The following KCNH5 variants were observed in gnomAD, a reference collection of about 807,000 sequenced individuals.
KCNH5 encodes potassium voltage-gated channel subfamily H member 5.
A neutral mutation model predicts 96.1 loss-of-function variants in KCNH5; 46 were observed. That is an observed-to-expected ratio of 0.48 (90% CI 0.38 to 0.61). The LOEUF is 0.61. Among genes scored for constraint, KCNH5 ranks in the 20% least tolerant of loss-of-function variants. The pLI is 0.00. For synonymous variants in KCNH5, 439 were observed against 449.8 expected (o/e 0.98, Z 0.30); for missense variants, 907 against 1,225.8 (o/e 0.74, Z 3.88).
At chr14:62,849,256 A>G (rs986236108) in intron 8 of KCNH5, among the ~76,000 whole-genome samples, 17 of 152,186 alleles carry the variant, frequency 1.1e-4, no homozygotes, top group Non-Finnish European at 2.2e-4. Context: ...TATAGGCAGG[A>G]AGTCTCTTTC....
intron 1 of KCNH5, among the ~76,000 whole-genome samples, chr14:63,017,970 G>C (rs971611594): frequency 1.3e-5 from 2 of 151,556 alleles, no homozygotes; most frequent in African/African-American, 4.9e-5. Context: ...TCAAACAGTG[G>C]GATAAAATAA....
intron 8 of KCNH5, among the ~76,000 whole-genome samples, chr14:62,841,749 G>A (rs560743193): frequency 6.7e-4 from 102 of 152,228 alleles, no homozygotes; most frequent in Non-Finnish European, 1.3e-3. Context: ...TGCCTACCTT[G>A]CGCAAGCACC....
intron 7 of KCNH5, among the ~76,000 whole-genome samples, chr14:62,921,779 C>T (rs981040684): frequency 6.6e-6 from 1 of 152,026 alleles, no homozygotes; most frequent in Non-Finnish European, 1.5e-5. Context: ...TAGTTATGAC[C>T]TGATTTCACA....
chr14:62,861,922 G>GA (rs933977340), intron 7 of KCNH5, among the ~76,000 whole-genome samples: 1 of 151,206 alleles, frequency 6.6e-6, no homozygotes, highest in African/African-American at 2.4e-5. Flanking sequence ...AGCTACAGAA[G>GA]AAAAAAAAGG....
intron 10 of KCNH5, among the ~76,000 whole-genome samples, chr14:62,726,180 T>TA (rs1884921130): frequency 6.6e-6 from 1 of 151,956 alleles, no homozygotes; most frequent in Non-Finnish European, 1.5e-5. Flanking sequence ...ATGTGATACG[T>TA]AAAAAAACAT....
At chr14:62,804,351 T>C (rs1467658486) in intron 8 of KCNH5, among the ~76,000 whole-genome samples, 1 of 152,200 alleles carries the variant, frequency 6.6e-6, no homozygotes, top group Non-Finnish European at 1.5e-5. Context: ...GGCAATGTTT[T>C]ATTTAATATA....
At chr14:62,719,525 G>A (rs1039151713) in intron 10 of KCNH5, among the ~76,000 whole-genome samples, 60 of 152,168 alleles carry the variant, frequency 3.9e-4, no homozygotes, top group African/African-American at 1.4e-3. Flanking sequence ...GAATCACAGC[G>A]GATTCACAAC....
intron 1 of KCNH5, among the ~76,000 whole-genome samples, chr14:63,034,793 A>G (rs1273469474): frequency 1.3e-5 from 2 of 152,320 alleles, no homozygotes; most frequent in South Asian, 2.1e-4. Flanking sequence ...ACTTTAACAT[A>G]TATTTCTGAA....
intron 6 of KCNH5, among the ~76,000 whole-genome samples, chr14:62,977,336 G>C (rs1022535999): frequency 2.0e-5 from 3 of 151,750 alleles, no homozygotes; most frequent in Admixed American, 6.6e-5. Flanking sequence ...CTCTCGCCTG[G>C]GTGACAGAGC....
intron 10 of KCNH5, among the ~76,000 whole-genome samples, chr14:62,771,010 T>G (rs547267451): frequency 3.9e-5 from 6 of 152,252 alleles, no homozygotes; most frequent in African/African-American, 1.4e-4. Context: ...ATAGGACTTG[T>G]GTCTTTATAA....
intron 8 of KCNH5, among the ~76,000 whole-genome samples, chr14:62,841,031 T>C (rs1887574640): frequency 6.6e-6 from 1 of 151,972 alleles, no homozygotes; most frequent in Non-Finnish European, 1.5e-5. Context: ...ATATAAATTA[T>C]ATAAATGAAT....
intron 9 of KCNH5, among the ~76,000 whole-genome samples, chr14:62,781,009 A>G (rs76725095): frequency 4.0e-5 from 6 of 149,624 alleles, no homozygotes; most frequent in African/African-American, 1.2e-4. Context: ...AACTAACAGG[A>G]AAAAAAAAAG....
At chr14:62,841,890 C>T (rs982903634) in intron 8 of KCNH5, among the ~76,000 whole-genome samples, 3 of 152,188 alleles carry the variant, frequency 2.0e-5, no homozygotes, top group African/African-American at 7.2e-5. Flanking sequence ...AGCAAGTTAT[C>T]CATGGACCTC....
At chr14:62,985,781 G>C (rs1890695459) in intron 5 of KCNH5, among the ~76,000 whole-genome samples, 1 of 152,064 alleles carries the variant, frequency 6.6e-6, no homozygotes, top group Non-Finnish European at 1.5e-5. Context: ...TATCCTTCCA[G>C]AGTGCCAGAC....
chr14:62,735,887 T>C (rs1885145553), intron 10 of KCNH5, among the ~76,000 whole-genome samples: 1 of 152,112 alleles, frequency 6.6e-6, no homozygotes, highest in African/African-American at 2.4e-5. Flanking sequence ...TGAAGACACA[T>C]AGTGGGGAAA....
At chr14:63,016,981 G>T (rs372371674) in intron 1 of KCNH5, 27 bp from the exon 2 acceptor site, 62 of 1,588,874 alleles carry the variant, frequency 3.9e-5, no homozygotes, top group Non-Finnish European at 6.8e-6. Flanking sequence ...AAAAAAGGAG[G>T]TTATTTAGCT....
intron 1 of KCNH5, among the ~76,000 whole-genome samples, chr14:63,032,002 AGT>A (rs1348569658): frequency 6.6e-6 from 1 of 151,580 alleles, no homozygotes; most frequent in Non-Finnish European, 1.5e-5. Flanking sequence ...GAGGACTAGC[AGT>A]TTTTAAGTAT....
intron 8 of KCNH5, among the ~76,000 whole-genome samples, chr14:62,839,633 T>G (rs570713545): frequency 6.6e-6 from 1 of 152,228 alleles, no homozygotes; most frequent in Non-Finnish European, 1.5e-5. Flanking sequence ...AGTAATATTT[T>G]AAACCATCAT....
At chr14:63,036,836 T>A (rs943558846) in intron 1 of KCNH5, among the ~76,000 whole-genome samples, 6 of 152,068 alleles carry the variant, frequency 3.9e-5, no homozygotes, top group Non-Finnish European at 8.8e-5. Flanking sequence ...ATGATAGCTA[T>A]AAGATGAATG....
Sources: gnomAD v4.1 joint callset for allele counts (sites outside exome capture counted in the v4.1 genomes callset) on GRCh38, gnomAD v4.1.1 for gene constraint, MANE v1.5 for transcripts, NCBI Gene and HGNC (gene_info 2026-07-23, HGNC 2026-07-21) for gene names.